MTCL3: variants seen among roughly 807,000 people sequenced by gnomAD.
The protein encoded by MTCL3 is MTCL family member 3.
At chr6:127,475,332 C>T in the MTCL3 span, 2 of 1,612,284 alleles carry the variant, frequency 1.2e-6, no homozygotes, top group East Asian at 4.5e-5. This position sits in a 1 kb window ranked among gnomAD's most constrained non-coding sequence, Gnocchi z 7.3. Flanking sequence ...CGCGGTCGTC[C>T]GCAGACTTGG....
the MTCL3 span, among the ~76,000 whole-genome samples, chr6:127,501,944 C>A: frequency 6.6e-6 from 1 of 152,054 alleles, no homozygotes; most frequent in African/African-American, 2.4e-5. Context: ...AAAATACTTT[C>A]CAATATACAG....
the MTCL3 span, chr6:127,516,625 C>G: frequency 2.5e-6 from 4 of 1,593,722 alleles, no homozygotes; most frequent in African/African-American, 1.3e-5. Flanking sequence ...GGCTATGAAC[C>G]TACCAGATGC....
At chr6:127,508,124 C>A in the MTCL3 span, among the ~76,000 whole-genome samples, 1 of 152,012 alleles carries the variant, frequency 6.6e-6, no homozygotes, top group East Asian at 1.9e-4. Context: ...ACTACCAGAA[C>A]CAGGGGAAAA....
the MTCL3 span, chr6:127,516,426 G>A: frequency 5.0e-6 from 8 of 1,600,264 alleles, no homozygotes; most frequent in South Asian, 8.8e-5. Flanking sequence ...GTTTAGTGCC[G>A]GCCCCCACTG....
At chr6:127,479,385 A>C in the MTCL3 span, among the ~76,000 whole-genome samples, 5 of 152,226 alleles carry the variant, frequency 3.3e-5, no homozygotes, top group Non-Finnish European at 7.3e-5. Flanking sequence ...TACATAGGCT[A>C]GGTTTTATTT....
At chr6:127,511,585 T>C in the MTCL3 span, among the ~76,000 whole-genome samples, 1 of 151,926 alleles carries the variant, frequency 6.6e-6, no homozygotes, top group Non-Finnish European at 1.5e-5. Context: ...AAGTACAAGT[T>C]ACAGGCCTTT....
chr6:127,480,622 T>C, the MTCL3 span, among the ~76,000 whole-genome samples: 1 of 152,188 alleles, frequency 6.6e-6, no homozygotes, highest in Non-Finnish European at 1.5e-5. Context: ...ATTGAACATG[T>C]GCAGAGTGCC....
chr6:127,494,668 C>T, the MTCL3 span, among the ~76,000 whole-genome samples: 1 of 152,160 alleles, frequency 6.6e-6, no homozygotes, highest in African/African-American at 2.4e-5. Flanking sequence ...ACAATTAACT[C>T]TTTCATCATT....
At chr6:127,476,622 A>T in the MTCL3 span, among the ~76,000 whole-genome samples, 1 of 152,226 alleles carries the variant, frequency 6.6e-6, no homozygotes, top group African/African-American at 2.4e-5. The surrounding 1 kb of genome is among the most constrained non-coding windows in gnomAD (Gnocchi z 4.4). Context: ...TTTTCTTCAG[A>T]TCACTTAAAT....
At chr6:127,485,272 T>C in the MTCL3 span, among the ~76,000 whole-genome samples, 1 of 151,170 alleles carries the variant, frequency 6.6e-6, no homozygotes, top group Non-Finnish European at 1.5e-5. Flanking sequence ...CAATGGAAGA[T>C]GAAGAGGAGG....
the MTCL3 span, among the ~76,000 whole-genome samples, chr6:127,493,180 C>T: frequency 6.6e-6 from 1 of 152,196 alleles, no homozygotes; most frequent in South Asian, 2.1e-4. Flanking sequence ...AGAACAATAA[C>T]TTTAAATATT....
the MTCL3 span, chr6:127,515,694 G>T: frequency 2.7e-5 from 42 of 1,558,348 alleles, no homozygotes; most frequent in Non-Finnish European, 3.5e-5. This position sits in a 1 kb window ranked among gnomAD's most constrained non-coding sequence, Gnocchi z 4.3. Context: ...TTGGGGAGGC[G>T]GAGGCGACGG....
At chr6:127,486,055 G>A in the MTCL3 span, among the ~76,000 whole-genome samples, 1 of 152,178 alleles carries the variant, frequency 6.6e-6, no homozygotes, top group Non-Finnish European at 1.5e-5. Flanking sequence ...AGAAGATGCA[G>A]AAAAGATTGA....
chr6:127,517,252 G>T, the MTCL3 span, among the ~76,000 whole-genome samples: 13 of 152,158 alleles, frequency 8.5e-5, no homozygotes, highest in Non-Finnish European at 1.9e-4. Flanking sequence ...TCCCCAGGCA[G>T]CTCCAACCCT....
the MTCL3 span, among the ~76,000 whole-genome samples, chr6:127,500,874 C>T: frequency 1.3e-5 from 2 of 151,914 alleles, no homozygotes; most frequent in South Asian, 2.1e-4. Flanking sequence ...TGCAGTGGTG[C>T]GATCTCAGCT....
the MTCL3 span, among the ~76,000 whole-genome samples, chr6:127,501,237 G>A: frequency 0.048 from 7,342 of 152,234 alleles, 473 homozygotes; most frequent in African/African-American, 0.15. Flanking sequence ...AACGACTCTA[G>A]AACATAATTA....
chr6:127,503,866 CT>C, the MTCL3 span, among the ~76,000 whole-genome samples: 2 of 151,636 alleles, frequency 1.3e-5, no homozygotes, highest in African/African-American at 2.4e-5. Flanking sequence ...TTCACAGCCA[CT>C]TTTTTTTTCT....
At chr6:127,515,525 C>G in the MTCL3 span, 1 of 1,455,054 alleles carries the variant, frequency 6.9e-7, no homozygotes, top group Non-Finnish European at 9.0e-7. The surrounding 1 kb of genome is among the most constrained non-coding windows in gnomAD (Gnocchi z 4.3). Flanking sequence ...TTGAGAGTCT[C>G]GTTTTCCTCT....
At chr6:127,517,343 T>A in the MTCL3 span, among the ~76,000 whole-genome samples, 1 of 152,216 alleles carries the variant, frequency 6.6e-6, no homozygotes, top group Non-Finnish European at 1.5e-5. Context: ...TGCCTTTAAA[T>A]CAATCTCAGT....
Sources: gnomAD v4.1 joint callset for allele counts (sites outside exome capture counted in the v4.1 genomes callset) on GRCh38, gnomAD v4.1.1 for gene constraint, Gnocchi (gnomAD v3.1) non-coding constraint, MANE v1.5 for transcripts, NCBI Gene and HGNC (gene_info 2026-07-23, HGNC 2026-07-21) for gene names.